Variants in ZNF804B observed in about 807,000 individuals in gnomAD.
The protein encoded by ZNF804B is zinc finger 804B.
ZNF804B carries 80 observed loss-of-function variants against 101.4 expected under a neutral mutation model. The ratio of observed to expected loss-of-function variants is 0.79; its 90% CI spans 0.66 to 0.95. The LOEUF is 0.95. Among genes scored for constraint, ZNF804B ranks in the 40% least tolerant of loss-of-function variants. ZNF804B has a pLI of 0.00. For synonymous variants in ZNF804B, 622 were observed against 558.8 expected (o/e 1.11, Z -1.59); for missense variants, 1,673 against 1,561.9 (o/e 1.07, Z -1.20).
chr7:88,929,709 C>T (rs1028779517), intron 1 of ZNF804B, among the ~76,000 whole-genome samples: 2 of 151,802 alleles, frequency 1.3e-5, no homozygotes, highest in African/African-American at 2.4e-5. Flanking sequence ...TGAACAACAA[C>T]AACAAAAATC....
At chr7:89,073,222 CTG>C (rs1402084783) in intron 1 of ZNF804B, among the ~76,000 whole-genome samples, 6 of 152,086 alleles carry the variant, frequency 3.9e-5, no homozygotes, top group Admixed American at 1.3e-4. Context: ...TTGGTAGAAA[CTG>C]TTTCTTATAT....
intron 1 of ZNF804B, among the ~76,000 whole-genome samples, chr7:89,053,903 C>T (rs967579): frequency 0.77 from 116,438 of 151,978 alleles, 44,668 homozygotes; most frequent in African/African-American, 0.79. Flanking sequence ...TCCCTTGTCT[C>T]AGATGGGGAG....
intron 1 of ZNF804B, among the ~76,000 whole-genome samples, chr7:89,125,226 A>ATCTATTTATCTATT: frequency 6.6e-6 from 1 of 151,712 alleles, no homozygotes; most frequent in Non-Finnish European, 1.5e-5. Flanking sequence ...GATTTTTGAA[A>ATCTATTTATCTATT]CTTAAGGGTA....
At chr7:88,771,525 T>C (rs1230358898) in intron 1 of ZNF804B, among the ~76,000 whole-genome samples, 1 of 152,088 alleles carries the variant, frequency 6.6e-6, no homozygotes, top group Admixed American at 6.6e-5. Context: ...GACAGCAAAC[T>C]ATTGAAATAA....
intron 1 of ZNF804B, among the ~76,000 whole-genome samples, chr7:89,120,293 A>G (rs568124634): frequency 6.6e-6 from 1 of 151,760 alleles, no homozygotes; most frequent in East Asian, 2.0e-4. Flanking sequence ...CATCTAAAAA[A>G]CAAAGAAAGA....
At chr7:89,036,798 G>A (rs575550548) in intron 1 of ZNF804B, among the ~76,000 whole-genome samples, 1 of 152,102 alleles carries the variant, frequency 6.6e-6, no homozygotes, top group Non-Finnish European at 1.5e-5. Context: ...CTGGTGTTGG[G>A]TTGGACTCAC....
intron 1 of ZNF804B, among the ~76,000 whole-genome samples, chr7:88,762,784 A>G (rs538495214): frequency 3.9e-5 from 6 of 152,178 alleles, no homozygotes; most frequent in African/African-American, 1.4e-4. Context: ...CACTCACTGA[A>G]ACTCAGTTTA....
intron 2 of ZNF804B, among the ~76,000 whole-genome samples, chr7:89,324,607 CT>C (rs35905388): frequency 0.17 from 18,206 of 109,526 alleles, 1,558 homozygotes; most frequent in East Asian, 0.56. Context: ...TACCTTCTTA[CT>C]TTTTTTTTTT....
intron 1 of ZNF804B, among the ~76,000 whole-genome samples, chr7:89,063,913 A>C (rs908656893): frequency 6.6e-6 from 1 of 152,170 alleles, no homozygotes; most frequent in African/African-American, 2.4e-5. Context: ...TCAGAAAAAA[A>C]TATATTTTCA....
intron 1 of ZNF804B, among the ~76,000 whole-genome samples, chr7:89,102,023 T>C (rs1790062570): frequency 6.6e-6 from 1 of 151,954 alleles, no homozygotes; most frequent in South Asian, 2.1e-4. Context: ...CATTCATTTA[T>C]AGCTGTGTAG....
At chr7:88,853,555 T>A (rs1432868344) in intron 1 of ZNF804B, among the ~76,000 whole-genome samples, 1 of 152,142 alleles carries the variant, frequency 6.6e-6, no homozygotes, top group Non-Finnish European at 1.5e-5. Context: ...ATTCCAAGAT[T>A]TTTTTGTGCT....
At chr7:88,836,130 C>T (rs185390539) in intron 1 of ZNF804B, among the ~76,000 whole-genome samples, 13 of 151,824 alleles carry the variant, frequency 8.6e-5, no homozygotes, top group Admixed American at 5.3e-4. Context: ...TCACCTCTGG[C>T]GGTCATACAC....
intron 2 of ZNF804B, among the ~76,000 whole-genome samples, chr7:89,285,546 A>AAAAAG (rs1554389597): frequency 2.1e-5 from 2 of 93,450 alleles, no homozygotes; most frequent in Non-Finnish European, 4.1e-5. Flanking sequence ...AAAAAAAAAA[A>AAAAAG]AAGAAGAAGA....
chr7:89,255,674 A>G (rs1789618926), intron 2 of ZNF804B, among the ~76,000 whole-genome samples: 2 of 152,234 alleles, frequency 1.3e-5, no homozygotes, highest in Admixed American at 1.3e-4. Flanking sequence ...ATTGTAGTGG[A>G]GGAAATAATT....
At chr7:88,793,152 A>G (rs538759317) in intron 1 of ZNF804B, among the ~76,000 whole-genome samples, 73 of 152,290 alleles carry the variant, frequency 4.8e-4, no homozygotes, top group African/African-American at 1.6e-3. Context: ...ATATCATTGC[A>G]GTTTTCAAAA....
At chr7:89,327,800 C>A (rs1790918905) in intron 3 of ZNF804B, among the ~76,000 whole-genome samples, 1 of 150,664 alleles carries the variant, frequency 6.6e-6, no homozygotes, top group South Asian at 2.1e-4. Flanking sequence ...TTTTAAAAAC[C>A]ATAATTAACA....
chr7:89,253,238 AAG>A (rs1789569621), intron 2 of ZNF804B, among the ~76,000 whole-genome samples: 1 of 152,146 alleles, frequency 6.6e-6, no homozygotes, highest in African/African-American at 2.4e-5. Flanking sequence ...TTTTATAAAC[AAG>A]AGAGTAATTT....
chr7:88,780,630 G>A (rs1401769929), intron 1 of ZNF804B, among the ~76,000 whole-genome samples: 5 of 151,816 alleles, frequency 3.3e-5, no homozygotes, highest in Middle Eastern at 3.4e-3. Context: ...CAAGCGATCC[G>A]CCCACTTCAG....
chr7:89,243,069 T>A (rs2115767771), intron 2 of ZNF804B, among the ~76,000 whole-genome samples: 1 of 151,948 alleles, frequency 6.6e-6, no homozygotes, highest in East Asian at 1.9e-4. Flanking sequence ...TTTTACAAAA[T>A]ACAATCTGAT....
Sources: gnomAD v4.1 joint callset for allele counts (sites outside exome capture counted in the v4.1 genomes callset) on GRCh38, gnomAD v4.1.1 for gene constraint, MANE v1.5 for transcripts, NCBI Gene and HGNC (gene_info 2026-07-23, HGNC 2026-07-21) for gene names.